SHTN1: variants seen among roughly 807,000 people sequenced by gnomAD.
SHTN1 encodes shootin 1, also known as shootin-1.
Under a neutral mutation model 83.1 loss-of-function variants are expected in SHTN1, and 42 were observed. The ratio of observed to expected loss-of-function variants is 0.51; its 90% CI spans 0.39 to 0.65. SHTN1 has a LOEUF of 0.65. Ranked by LOEUF, SHTN1 falls within the 30% of genes least tolerant of loss-of-function variation. The pLI, the probability that SHTN1 is intolerant of heterozygous loss-of-function variation, is 0.00. For missense variants in SHTN1, 622 were observed against 737.8 expected, an observed-to-expected ratio of 0.84 and a Z score of 1.82; for synonymous variants, 224 against 247.7, an observed-to-expected ratio of 0.90 and a Z score of 0.90.
At chr10:117,024,400 G>A (rs1852302782) in intron 2 of SHTN1, among the ~76,000 whole-genome samples, 1 of 145,302 alleles carries the variant, frequency 6.9e-6, no homozygotes, top group Non-Finnish European at 1.5e-5. Flanking sequence ...TGTCGCCCAG[G>A]CTGGAGTGCA....
intron 16 of SHTN1, among the ~76,000 whole-genome samples, chr10:116,888,455 C>T (rs950115800): frequency 2.2e-4 from 33 of 152,176 alleles, no homozygotes; most frequent in Admixed American, 3.9e-4. Flanking sequence ...GCTGCTTCTG[C>T]GTCTGACACT....
chr10:117,105,567 T>G (rs940073427), intron 1 of SHTN1, among the ~76,000 whole-genome samples: 2 of 152,220 alleles, frequency 1.3e-5, no homozygotes, highest in African/African-American at 4.8e-5. Flanking sequence ...CTAATAAGCA[T>G]AGAACCCGTT....
chr10:117,097,012 C>T (rs935915467), intron 1 of SHTN1, among the ~76,000 whole-genome samples: 13 of 143,680 alleles, frequency 9.0e-5, no homozygotes, highest in African/African-American at 2.1e-4. Flanking sequence ...CGCACGCGCG[C>T]GCACACACAC....
rs564931148 is a variant in SHTN1, at chr10:117,103,694, G to A, written c.-189+22613C>T. Among the ~76,000 whole-genome samples, 161 of 151,280 alleles carry A rather than the reference G, an allele frequency of 1.1e-3. 1 individual carries two copies. Among genetic ancestry groups the A allele is most frequent in the South Asian group, 6.3e-4 (3 of 4,744 alleles). On this transcript the variant is annotated intron_variant, in intron 1 of 17. Transcript: ENST00000392901. ...TGGGGCTACAGGTGCCCACCACCAC[G>A]CCCGGCCAATTTTTTGTATTTTTAG... is the stretch of plus-strand genomic sequence containing the variant.
intron 1 of SHTN1, among the ~76,000 whole-genome samples, chr10:116,983,143 G>C (rs1851089769): frequency 6.6e-6 from 1 of 152,134 alleles, no homozygotes; most frequent in Non-Finnish European, 1.5e-5. Flanking sequence ...GCACTTACTG[G>C]CTAGGGGACC....
intron 1 of SHTN1, among the ~76,000 whole-genome samples, chr10:117,106,707 C>T (rs139984131): frequency 1.3e-5 from 2 of 152,250 alleles, no homozygotes; most frequent in African/African-American, 4.8e-5. Flanking sequence ...ACTTTTCAAA[C>T]CTCACTTCTA....
chr10:117,041,751 G>A lies in SHTN1; in HGVS notation c.-123+6694C>T, dbSNP rs552561506. ...TAAATATCTACCGCTAGCCCATCAC[G>A]TGAAGAGACGCTTAAAATCATTAGT... On this transcript the variant is annotated intron_variant, in intron 2 of 17. Coordinates refer to the SHTN1 transcript ENST00000392901. Among the ~76,000 whole-genome samples, 4 of 152,232 alleles carry A rather than the reference G, an allele frequency of 2.6e-5. No homozygotes were observed. In the East Asian group the frequency reaches 7.7e-4, roughly 29 times the overall value.
intron 1 of SHTN1, among the ~76,000 whole-genome samples, chr10:117,050,675 G>T (rs1360311961): frequency 1.3e-5 from 2 of 151,642 alleles, no homozygotes; most frequent in African/African-American, 2.4e-5. Flanking sequence ...CAACAAAATG[G>T]ACAAACCTTA....
At chr10:116,896,320 T>A (rs1032248639) in intron 16 of SHTN1, among the ~76,000 whole-genome samples, 4 of 152,196 alleles carry the variant, frequency 2.6e-5, no homozygotes, top group Non-Finnish European at 4.4e-5. Context: ...TTTTCTTATT[T>A]ATTGCTTGAC....
intron 1 of SHTN1, among the ~76,000 whole-genome samples, chr10:116,985,098 C>T (rs1851175574): frequency 6.6e-6 from 1 of 152,222 alleles, no homozygotes; most frequent in Non-Finnish European, 1.5e-5. Flanking sequence ...TCATACAGCT[C>T]TATTGGAGCA....
At chr10:116,971,813 T>C (rs1423825645) in intron 2 of SHTN1, among the ~76,000 whole-genome samples, 1 of 152,236 alleles carries the variant, frequency 6.6e-6, no homozygotes, top group Non-Finnish European at 1.5e-5. Context: ...GTGTTGCTCC[T>C]GACTTAATGT....
intron 11 of SHTN1, among the ~76,000 whole-genome samples, chr10:116,925,617 T>C (rs931730021): frequency 2.6e-5 from 4 of 152,204 alleles, no homozygotes; most frequent in African/African-American, 9.7e-5. Flanking sequence ...TCTGTATCTA[T>C]AGATATACAC....
chr10:117,113,056 G>A (rs1853790106), intron 1 of SHTN1, among the ~76,000 whole-genome samples: 1 of 152,112 alleles, frequency 6.6e-6, no homozygotes, highest in African/African-American at 2.4e-5. Flanking sequence ...ATGAATTCCT[G>A]GTAGATTTAT....
rs1457416128 is a variant in SHTN1, at chr10:116,883,675, A to G, written c.*2669T>C. ...TTGTTACCTGTACTACTCCATTTCC[A>G]GCAGTTTACCATTAACAAAGAAGGT... On this transcript the variant is annotated 3_prime_UTR_variant, in exon 17 of 17. Coordinates refer to ENST00000355371, the MANE Select transcript of SHTN1 (RefSeq NM_001127211.3). 2.0e-5 allele frequency: 3 copies of G among 153,614 alleles called. No homozygotes were observed. The highest frequency in any genetic ancestry group is 4.4e-5 in the Non-Finnish European group (3 of 68,942). The allele number at this position is 153,614 out of a possible 1,614,324, so 9.5% of individuals were successfully genotyped here.
At chr10:116,993,465 T>G (rs1012979346) in intron 1 of SHTN1, among the ~76,000 whole-genome samples, 3 of 152,190 alleles carry the variant, frequency 2.0e-5, no homozygotes, top group African/African-American at 7.2e-5. Flanking sequence ...CCCAAATACT[T>G]TTCAGGTTCA....
chr10:116,886,387 T>A lies in SHTN1; in HGVS notation c.1853A>T (p.Asp618Val). The change falls in exon 17 of 17, where the codon GAC (aspartate) becomes GTC (valine). Residue 618 changes from aspartate (D) to valine (V), a missense_variant. By Grantham distance (152) the Asp-to-Val change is radical (BLOSUM62 -3). Coordinates refer to ENST00000355371, the MANE Select transcript of SHTN1 (RefSeq NM_001127211.3). Reference protein sequence around the residue: ...EGEIQPENKEDSIENVRETDS... With the variant: ...EGEIQPENKEVSIENVRETDS... ...TGTCTCTCTCACGTTTTCAATGCTG[T>A]CTTCTTTGTTTTCTGGTTGAATTTC... The A allele has an allele frequency of 6.4e-7, 1 of 1,567,464 alleles. No homozygotes were observed. The highest frequency in any genetic ancestry group is 8.7e-7 in the Non-Finnish European group (1 of 1,154,276).
At chr10:117,065,834 AAGGAAGGAAGG>A (rs1564947416) in intron 1 of SHTN1, among the ~76,000 whole-genome samples, 1 of 73,008 alleles carries the variant, frequency 1.4e-5, no homozygotes, top group Non-Finnish European at 2.7e-5. Flanking sequence ...GGAAGGAAGG[AAGGAAGGAAGG>A]AAGGAAGGAA....
At chr10:117,065,837 GA>G in intron 1 of SHTN1, among the ~76,000 whole-genome samples, 1 of 84,538 alleles carries the variant, frequency 1.2e-5, no homozygotes, top group East Asian at 6.1e-4. Flanking sequence ...AGGAAGGAAG[GA>G]AGGAAGGAAG....
At chr10:117,098,277 G>A (rs1365709297) in intron 1 of SHTN1, among the ~76,000 whole-genome samples, 1 of 148,632 alleles carries the variant, frequency 6.7e-6, no homozygotes, top group Non-Finnish European at 1.5e-5. Flanking sequence ...GACGCCTGTT[G>A]TCCCAGCTAC....
Sources: gnomAD v4.1 joint callset for allele counts (sites outside exome capture counted in the v4.1 genomes callset) on GRCh38, gnomAD v4.1.1 for gene constraint, MANE v1.5 for transcripts, NCBI Gene and HGNC (gene_info 2026-07-23, HGNC 2026-07-21) for gene names.